HPSE2: variants seen among roughly 807,000 people sequenced by gnomAD.
HPSE2 encodes inactive heparanase-2.
A neutral mutation model predicts 60.5 loss-of-function variants in HPSE2; 38 were observed. The ratio of observed to expected loss-of-function variants is 0.63; its 90% CI spans 0.48 to 0.82. The LOEUF (loss-of-function observed/expected upper bound fraction) is 0.82, where lower values mean the gene tolerates loss of function less well. HPSE2 is among the 40% of genes least tolerant of loss of function. The pLI is 0.00. For synonymous variants in HPSE2, 295 were observed against 293.2 expected, an observed-to-expected ratio of 1.01 and a Z score of -0.06; for missense variants, 713 against 740.4, an observed-to-expected ratio of 0.96 and a Z score of 0.43.
At chr10:98,573,212 C>T (rs1944548188) in intron 9 of HPSE2, among the ~76,000 whole-genome samples, 1 of 152,182 alleles carries the variant, frequency 6.6e-6, no homozygotes. Context: ...TAATAATTTA[C>T]TGTTATTATT....
At chr10:98,717,290 T>A (rs10786462) in intron 5 of HPSE2, among the ~76,000 whole-genome samples, 28,034 of 151,986 alleles carry the variant, frequency 0.18, 3,001 homozygotes, top group East Asian at 0.38. Flanking sequence ...TCTCCATAGC[T>A]GCAATAAGGC....
chr10:99,113,227 T>G (rs534298219), intron 3 of HPSE2, among the ~76,000 whole-genome samples: 6 of 152,134 alleles, frequency 3.9e-5, no homozygotes, highest in African/African-American at 2.4e-5. Context: ...GATCTTATAT[T>G]GCTTTCCCTA....
At chr10:98,692,104 G>A (rs1948090558) in intron 6 of HPSE2, among the ~76,000 whole-genome samples, 1 of 152,086 alleles carries the variant, frequency 6.6e-6, no homozygotes, top group South Asian at 2.1e-4. Context: ...TGAAATGGGG[G>A]ACCTGTTTTT....
intron 6 of HPSE2, among the ~76,000 whole-genome samples, chr10:98,661,340 G>A (rs895665500): frequency 1.3e-5 from 2 of 152,156 alleles, no homozygotes; most frequent in Non-Finnish European, 1.5e-5. Context: ...ATTGCTTTTA[G>A]TTTATTTAAT....
intron 2 of HPSE2, among the ~76,000 whole-genome samples, chr10:99,172,611 T>C (rs1194146783): frequency 6.6e-6 from 1 of 152,170 alleles, no homozygotes; most frequent in Non-Finnish European, 1.5e-5. Context: ...GTACTTATAA[T>C]CTGTATAAAT....
chr10:99,201,959 G>A (rs11190015), intron 2 of HPSE2, among the ~76,000 whole-genome samples: 82,734 of 151,912 alleles, frequency 0.54, 24,299 homozygotes, highest in East Asian at 0.65. Flanking sequence ...AGGGTCTCAC[G>A]ATGCTCACTT....
chr10:98,557,348 C>T lies in HPSE2; in HGVS notation c.1320+57556G>A, dbSNP rs137988447. Among the ~76,000 whole-genome samples, 346 of 152,244 alleles carry T rather than the reference C, an allele frequency of 2.3e-3. 2 individuals are homozygous for T. The highest frequency in any genetic ancestry group is 7.8e-3 in the African/African-American group (324 of 41,546). On this transcript the variant is annotated intron_variant, in intron 9 of 11. Coordinates refer to ENST00000370552, the MANE Select transcript of HPSE2 (RefSeq NM_021828.5). ...CTATATATGATCATCTGATTGATGC[C>T]AAAGGCACCAATGCAGTATACTGAG...
At chr10:98,624,674 G>C (rs1946160409) in intron 7 of HPSE2, among the ~76,000 whole-genome samples, 1 of 152,112 alleles carries the variant, frequency 6.6e-6, no homozygotes, top group Admixed American at 6.5e-5. Context: ...ACTGTAAAAT[G>C]ATATACAAAT....
At chr10:99,127,272 C>T (rs1173269707) in intron 3 of HPSE2, among the ~76,000 whole-genome samples, 1 of 152,068 alleles carries the variant, frequency 6.6e-6, no homozygotes, top group Non-Finnish European at 1.5e-5. Flanking sequence ...ATTAAAAATG[C>T]TTCAGAGAAA....
rs559443053 is a variant in HPSE2, at chr10:98,583,148, C to T, written c.1320+31756G>A. 3.3e-5 allele frequency among the ~76,000 whole-genome samples: 5 copies of T among 152,292 alleles called. No individual in the cohort carries two copies. The South Asian group carries it at 1.0e-3, about 32-fold the overall frequency. Reference sequence around the variant, plus strand: ...AGAATAGGGTCTGGAGGCAGGGAACCTAAGAACTTCCTAGAACTAAATCAA... The same window carrying T: ...AGAATAGGGTCTGGAGGCAGGGAACTTAAGAACTTCCTAGAACTAAATCAA... On this transcript the variant is annotated intron_variant, in intron 9 of 11. Transcript: ENST00000370552.
rs1330925426 is a variant in HPSE2, at chr10:98,459,455, C to T, written c.*119G>A. The T allele has an allele frequency of 2.7e-6, 3 of 1,105,290 alleles. No homozygotes were observed. The highest frequency in any genetic ancestry group is 3.1e-5 in the African/African-American group (2 of 64,646). The allele number at this position is 1,105,290 out of a possible 1,614,324, so 68.5% of individuals were successfully genotyped here. On this transcript the variant is annotated 3_prime_UTR_variant, in exon 12 of 12. Transcript: ENST00000370552. The stretch of plus-strand genomic sequence containing the variant: ...TTGGAGAGCAAGTCTGTGTTGATTC[C>T]AGCAGGATGGGGCAGCAGGGGCTGG...
At chr10:98,678,365 T>C (rs1947700567) in intron 6 of HPSE2, among the ~76,000 whole-genome samples, 1 of 152,200 alleles carries the variant, frequency 6.6e-6, no homozygotes, top group South Asian at 2.1e-4. Context: ...TCTTCTATGG[T>C]ACTGGTGCTC....
intron 3 of HPSE2, among the ~76,000 whole-genome samples, chr10:98,846,440 G>A (rs1026637455): frequency 6.6e-6 from 1 of 152,202 alleles, no homozygotes; most frequent in Admixed American, 6.5e-5. Context: ...AGGCTGTAGT[G>A]AGTATGCTGA....
chr10:98,974,502 G>A (rs915269285), intron 3 of HPSE2, among the ~76,000 whole-genome samples: 7 of 151,896 alleles, frequency 4.6e-5, no homozygotes, highest in Admixed American at 1.3e-4. Context: ...TCCTGACCTC[G>A]TGATCCACCC....
chr10:99,078,218 T>C (rs1843013036), intron 3 of HPSE2, among the ~76,000 whole-genome samples: 1 of 152,176 alleles, frequency 6.6e-6, no homozygotes. Flanking sequence ...GTAACACAAA[T>C]AGACCAACAC....
intron 3 of HPSE2, among the ~76,000 whole-genome samples, chr10:98,997,516 T>C (rs1204214466): frequency 6.6e-6 from 1 of 152,160 alleles, no homozygotes; most frequent in Non-Finnish European, 1.5e-5. Flanking sequence ...CTGGATTATA[T>C]ACATTTATTC....
intron 2 of HPSE2, among the ~76,000 whole-genome samples, chr10:99,205,507 G>A (rs1023643234): frequency 6.6e-6 from 1 of 152,050 alleles, no homozygotes; most frequent in East Asian, 1.9e-4. Context: ...GCTTGAACCC[G>A]GGCGGCAGAG....
At chr10:98,481,145 G>A (rs1488088960) in intron 11 of HPSE2, among the ~76,000 whole-genome samples, 2 of 152,174 alleles carry the variant, frequency 1.3e-5, no homozygotes, top group African/African-American at 4.8e-5. Context: ...CCTAACCAGA[G>A]GACCCTAATC....
At chr10:98,559,008 G>C (rs1225176302) in intron 9 of HPSE2, among the ~76,000 whole-genome samples, 5 of 152,076 alleles carry the variant, frequency 3.3e-5, no homozygotes, top group Non-Finnish European at 5.9e-5. Flanking sequence ...GTGTCCCTGG[G>C]AATCGAAGCC....
Sources: gnomAD v4.1 joint callset for allele counts (sites outside exome capture counted in the v4.1 genomes callset) on GRCh38, gnomAD v4.1.1 for gene constraint, MANE v1.5 for transcripts, NCBI Gene and HGNC (gene_info 2026-07-23, HGNC 2026-07-21) for gene names.